The following GSE1 variants were observed in gnomAD, a reference collection of about 807,000 sequenced individuals.
The protein encoded by GSE1 is Gse1 coiled-coil protein, also known as genetic suppressor element 1.
A neutral mutation model predicts 112.6 loss-of-function variants in GSE1; 32 were observed. The ratio of observed to expected loss-of-function variants is 0.28; its 90% CI spans 0.21 to 0.38. The LOEUF is 0.38. GSE1 is among the 10% of genes least tolerant of loss of function. The pLI is 1.00. For synonymous variants in GSE1, 1,115 were observed against 735.6 expected (o/e 1.52, Z -8.35); for missense variants, 2,348 against 1,699.2 (o/e 1.38, Z -6.71).
At chr16:85,491,721 GTCC>G (rs148330075) in intron 2 of GSE1, among the ~76,000 whole-genome samples, 4,127 of 152,176 alleles carry the variant, frequency 0.027, 185 homozygotes, top group African/African-American at 0.093. Flanking sequence ...GGTACCCCGA[GTCC>G]TCCTGGGAGC....
intron 1 of GSE1, among the ~76,000 whole-genome samples, chr16:85,558,325 G>C (rs1275082964): frequency 1.3e-5 from 2 of 152,230 alleles, no homozygotes; most frequent in African/African-American, 4.8e-5. Context: ...GCCTGCCTTG[G>C]AGGCGCTCAG....
intron 1 of GSE1, among the ~76,000 whole-genome samples, chr16:85,357,032 G>A (rs2046964269): frequency 6.6e-6 from 1 of 152,178 alleles, no homozygotes; most frequent in Non-Finnish European, 1.5e-5. Flanking sequence ...GGGGATCTCT[G>A]GGCAAGCACC....
upstream of GSE1, among the ~76,000 whole-genome samples, chr16:85,609,822 T>C (rs551928562): frequency 6.6e-6 from 1 of 151,658 alleles, no homozygotes; most frequent in African/African-American, 2.4e-5. Context: ...GCAGGGCTAA[T>C]TTTTTTTTGT....
At chr16:85,188,572 C>G (rs118121580) in intron 1 of GSE1, among the ~76,000 whole-genome samples, 2 of 151,966 alleles carry the variant, frequency 1.3e-5, no homozygotes, top group African/African-American at 4.8e-5. Flanking sequence ...GAGGCTAAGG[C>G]AGGAGGATCA....
intron 1 of GSE1, among the ~76,000 whole-genome samples, chr16:85,331,906 G>A (rs923444025): frequency 2.1e-4 from 32 of 151,974 alleles, no homozygotes; most frequent in African/African-American, 6.0e-4. Context: ...AGCTTGAGGC[G>A]CAGGGCCTAA....
intron 2 of GSE1, among the ~76,000 whole-genome samples, chr16:85,408,165 C>T (rs1202566747): frequency 1.6e-3 from 52 of 31,992 alleles, no homozygotes; most frequent in African/African-American, 8.6e-3. Flanking sequence ...CAGGGCCCCC[C>T]GGATAATCCT....
chr16:85,546,802 A>G (rs1416504443), intron 2 of GSE1, among the ~76,000 whole-genome samples: 5 of 152,216 alleles, frequency 3.3e-5, no homozygotes, highest in South Asian at 2.1e-4. Context: ...GCTGGCCACC[A>G]GGGATTCTTG....
chr16:85,670,658 G>T (rs1004105553), intron 14 of GSE1: 8 of 171,850 alleles, frequency 4.7e-5, no homozygotes, highest in Non-Finnish European at 3.7e-5. Flanking sequence ...GGTGTACTCT[G>T]GCCTTTTTCC....
At chr16:85,642,312 A>G (rs770277372) in intron 2 of GSE1, among the ~76,000 whole-genome samples, 1 of 152,240 alleles carries the variant, frequency 6.6e-6, no homozygotes, top group Non-Finnish European at 1.5e-5. Context: ...CCCTGTCTCT[A>G]AAAATATTTT....
At chr16:85,385,954 A>G (rs1481737123) in intron 2 of GSE1, among the ~76,000 whole-genome samples, 2 of 152,110 alleles carry the variant, frequency 1.3e-5, no homozygotes, top group Non-Finnish European at 2.9e-5. Context: ...CTCAAGCCCC[A>G]TTGGGGAGGG....
intron 1 of GSE1, among the ~76,000 whole-genome samples, chr16:85,222,218 A>T (rs2075406623): frequency 6.6e-6 from 1 of 152,180 alleles, no homozygotes; most frequent in Non-Finnish European, 1.5e-5. Flanking sequence ...CTCTCCCTCC[A>T]GTGAACTCTG....
chr16:85,647,568 C>T (rs1295315550), intron 2 of GSE1, among the ~76,000 whole-genome samples: 1 of 152,168 alleles, frequency 6.6e-6, no homozygotes, highest in Non-Finnish European at 1.5e-5. Context: ...CTTGGCTGGG[C>T]CCCGTAGAGG....
At chr16:85,650,385 G>A (rs967811504) in intron 3 of GSE1, among the ~76,000 whole-genome samples, 3 of 152,142 alleles carry the variant, frequency 2.0e-5, no homozygotes, top group Non-Finnish European at 2.9e-5. Flanking sequence ...GCCAGCGCCC[G>A]CAGCTCATGG....
intron 2 of GSE1, among the ~76,000 whole-genome samples, chr16:85,512,791 A>T (rs922775961): frequency 2.0e-4 from 31 of 152,242 alleles, no homozygotes; most frequent in African/African-American, 7.0e-4. Flanking sequence ...GACAGAAGCT[A>T]ATTTAATCGC....
chr16:85,197,140 G>A lies in GSE1; in HGVS notation c.2283+25333G>A, dbSNP rs531230823. Among the ~76,000 whole-genome samples, 36 of 152,280 alleles carry A rather than the reference G, an allele frequency of 2.4e-4. 1 individual carries two copies. Among genetic ancestry groups the A allele is most frequent in the African/African-American group, 8.7e-4 (36 of 41,550 alleles). On this transcript the variant is annotated intron_variant, in intron 1 of 2. Transcript: ENST00000637419. ...CCAGGCACAGAGACAACAAGACCTG[G>A]CCCCTCGGAGCTCGGAGCCTGGCGG...
intron 3 of GSE1, among the ~76,000 whole-genome samples, chr16:85,649,954 C>G (rs1392134390): frequency 6.6e-6 from 1 of 152,158 alleles, no homozygotes; most frequent in Non-Finnish European, 1.5e-5. Flanking sequence ...GATCCAGGGT[C>G]CCAGTGGGAA....
chr16:85,385,867 C>G (rs1347335156), intron 2 of GSE1, among the ~76,000 whole-genome samples: 1 of 152,208 alleles, frequency 6.6e-6, no homozygotes, highest in East Asian at 1.9e-4. Context: ...AGCTCCAGCT[C>G]CAGCTTGAGA....
At chr16:85,374,603 G>C (rs113259220) in intron 2 of GSE1, among the ~76,000 whole-genome samples, 155 of 152,212 alleles carry the variant, frequency 1.0e-3, no homozygotes, top group African/African-American at 3.5e-3. Context: ...ACAGGTCTCA[G>C]GGTGTGTGGC....
At chr16:85,176,726 C>T (rs1279914206) in intron 1 of GSE1, among the ~76,000 whole-genome samples, 1 of 151,990 alleles carries the variant, frequency 6.6e-6, no homozygotes, top group Non-Finnish European at 1.5e-5. Context: ...CCGAGTGTGG[C>T]CTCCGAGCCC....
Sources: gnomAD v4.1 joint callset for allele counts (sites outside exome capture counted in the v4.1 genomes callset) on GRCh38, gnomAD v4.1.1 for gene constraint, MANE v1.5 for transcripts, NCBI Gene and HGNC (gene_info 2026-07-23, HGNC 2026-07-21) for gene names.